GRID2: variants seen among roughly 807,000 people sequenced by gnomAD.
GRID2 encodes glutamate receptor ionotropic, delta-2.
In GRID2, 33 loss-of-function variants were observed where a neutral mutation model predicts 114.8. The ratio of observed to expected loss-of-function variants is 0.29; its 90% CI spans 0.22 to 0.38. The LOEUF is 0.38. GRID2 is among the 10% of genes least tolerant of loss of function. The pLI, the probability that GRID2 is intolerant of heterozygous loss-of-function variation, is 1.00. For synonymous variants in GRID2, 505 were observed against 449.9 expected (o/e 1.12, Z -1.55); for missense variants, 1,184 against 1,257.7 (o/e 0.94, Z 0.89).
At chr4:93,535,745 A>C (rs555089651) in intron 13 of GRID2, among the ~76,000 whole-genome samples, 1 of 151,850 alleles carries the variant, frequency 6.6e-6, no homozygotes, top group African/African-American at 2.4e-5. Flanking sequence ...ATTTGGGTTA[A>C]TTGTTTTCTT....
intron 10 of GRID2, among the ~76,000 whole-genome samples, chr4:93,427,412 T>C (rs1028405558): frequency 6.6e-6 from 1 of 152,034 alleles, no homozygotes; most frequent in Non-Finnish European, 1.5e-5. Context: ...TGCCACTAAA[T>C]ATCTCTGTAC....
intron 1 of GRID2, among the ~76,000 whole-genome samples, chr4:92,315,324 A>T (rs1725910754): frequency 6.6e-6 from 1 of 152,196 alleles, no homozygotes; most frequent in African/African-American, 2.4e-5. Flanking sequence ...ATATGTAAAT[A>T]TGGAATATTT....
chr4:92,388,545 A>G (rs533197491), intron 1 of GRID2, among the ~76,000 whole-genome samples: 1 of 152,004 alleles, frequency 6.6e-6, no homozygotes, highest in Non-Finnish European at 1.5e-5. Flanking sequence ...TATCTTTAGC[A>G]TTAAACACCC....
intron 14 of GRID2, among the ~76,000 whole-genome samples, chr4:93,738,127 A>G (rs571031890): frequency 4.7e-4 from 72 of 152,292 alleles, no homozygotes; most frequent in African/African-American, 1.6e-3. Context: ...GAGAAAAGCT[A>G]TTCTAGACAG....
chr4:92,487,942 C>T (rs1722972331), intron 1 of GRID2, among the ~76,000 whole-genome samples: 1 of 152,088 alleles, frequency 6.6e-6, no homozygotes, highest in Non-Finnish European at 1.5e-5. Context: ...TGATATTGCC[C>T]TATAGCTGTT....
intron 8 of GRID2, among the ~76,000 whole-genome samples, chr4:93,263,299 T>C (rs1391983608): frequency 2.6e-5 from 4 of 152,026 alleles, no homozygotes; most frequent in African/African-American, 7.2e-5. Context: ...ACTTTCCTTA[T>C]GATTTCTTCT....
At chr4:93,117,517 A>T (rs1438727189) in intron 4 of GRID2, among the ~76,000 whole-genome samples, 1 of 152,098 alleles carries the variant, frequency 6.6e-6, no homozygotes, top group Admixed American at 6.6e-5. Context: ...CACTTTCATG[A>T]TCATATATTT....
chr4:93,315,265 G>A (rs1441295462), intron 8 of GRID2, among the ~76,000 whole-genome samples: 1 of 152,010 alleles, frequency 6.6e-6, no homozygotes, highest in African/African-American at 2.4e-5. Context: ...CAGGTCCCTC[G>A]CTTCACACAT....
At chr4:92,670,160 T>G (rs1364222431) in intron 2 of GRID2, among the ~76,000 whole-genome samples, 4 of 152,106 alleles carry the variant, frequency 2.6e-5, no homozygotes, top group Admixed American at 6.6e-5. Flanking sequence ...TGTAGTAGCC[T>G]TTGATTAATC....
chr4:93,345,935 T>TA (rs970399871), intron 8 of GRID2, among the ~76,000 whole-genome samples: 2 of 152,136 alleles, frequency 1.3e-5, no homozygotes, highest in Non-Finnish European at 2.9e-5. Context: ...GGCAACTTTT[T>TA]AAAAAAATCA....
rs35977652 is a variant in GRID2 at position 92,706,285 on chromosome 4, T to TA, written c.244+116006dup. On this transcript the variant is annotated intron_variant, in intron 2 of 15. Coordinates refer to ENST00000282020, the MANE Select transcript of GRID2 (RefSeq NM_001510.4). ...ATAGTTGTAAATATCAGGGTTATTC[T>TA]AAAAAAAGATTGTCAACGGTTTAAT... Among the ~76,000 whole-genome samples, 175 of 152,228 alleles carry TA rather than the reference T, an allele frequency of 1.1e-3. 1 individual carries two copies. Among genetic ancestry groups the TA allele is most frequent in the African/African-American group, 3.8e-3 (159 of 41,540 alleles).
chr4:93,496,086 T>C (rs1905718), intron 12 of GRID2, among the ~76,000 whole-genome samples: 30,628 of 150,368 alleles, frequency 0.2, 3,884 homozygotes, highest in Non-Finnish European at 0.29. Context: ...TAGACTTATT[T>C]TTATTCCATT....
At chr4:93,454,844 A>G (rs1243348779) in intron 10 of GRID2, among the ~76,000 whole-genome samples, 1 of 152,104 alleles carries the variant, frequency 6.6e-6, no homozygotes, top group Non-Finnish European at 1.5e-5. Context: ...ACAGCTGAAG[A>G]TCATTATTTC....
chr4:93,068,697 A>AG (rs1728534319), intron 2 of GRID2, among the ~76,000 whole-genome samples: 1 of 151,848 alleles, frequency 6.6e-6, no homozygotes, highest in South Asian at 2.1e-4. Context: ...TATTTACAAA[A>AG]AAAAAAATTC....
chr4:92,770,156 CA>C (rs1183204811), intron 2 of GRID2, among the ~76,000 whole-genome samples: 1 of 152,204 alleles, frequency 6.6e-6, no homozygotes, highest in African/African-American at 2.4e-5. Flanking sequence ...CTCTCAAGTT[CA>C]AAGCTCCAGA....
At chr4:92,886,250 A>G (rs1578388841) in intron 2 of GRID2, among the ~76,000 whole-genome samples, 1 of 152,196 alleles carries the variant, frequency 6.6e-6, no homozygotes, top group Non-Finnish European at 1.5e-5. Flanking sequence ...TTATATAAGC[A>G]TGGTTTGATA....
At chr4:92,508,632 A>AG (rs1724094679) in intron 1 of GRID2, among the ~76,000 whole-genome samples, 1 of 151,910 alleles carries the variant, frequency 6.6e-6, no homozygotes, top group African/African-American at 2.4e-5. Context: ...AGGAATGGCA[A>AG]GAAGACTTGG....
In GRID2 at chr4:92,603,249, C is replaced by G. The variant is rs570898966; in HGVS notation, c.244+12963C>G. 7.9e-5 allele frequency among the ~76,000 whole-genome samples: 12 copies of G among 152,168 alleles called. No homozygotes were observed. In the East Asian group the frequency reaches 1.5e-3, roughly 20 times the overall value. On this transcript the variant is annotated intron_variant, in intron 2 of 15. Transcript: ENST00000282020. ...AAGAGCCTGAACAGCCAATTCAATCCTAAGCAAAAAGAACAAAGTTGAGCC... is the reference window on the plus strand; with the variant it reads ...AAGAGCCTGAACAGCCAATTCAATCGTAAGCAAAAAGAACAAAGTTGAGCC...
chr4:93,719,380 T>C (rs1435690269), intron 14 of GRID2, among the ~76,000 whole-genome samples: 1 of 152,070 alleles, frequency 6.6e-6, no homozygotes, highest in African/African-American at 2.4e-5. Flanking sequence ...AAGACAATGG[T>C]AGATTTTATT....
Sources: gnomAD v4.1 joint callset for allele counts (sites outside exome capture counted in the v4.1 genomes callset) on GRCh38, gnomAD v4.1.1 for gene constraint, MANE v1.5 for transcripts, NCBI Gene and HGNC (gene_info 2026-07-23, HGNC 2026-07-21) for gene names.